Variants in BMP5 observed in about 807,000 individuals in gnomAD.
BMP5 encodes bone morphogenetic protein 5.
A neutral mutation model predicts 46.6 loss-of-function variants in BMP5; 23 were observed. The observed-to-expected ratio is 0.49, with a 90% CI of 0.35 to 0.70. The LOEUF (loss-of-function observed/expected upper bound fraction) is 0.70, where lower values mean the gene tolerates loss of function less well. BMP5 is among the 30% of genes least tolerant of loss of function. The probability of loss-of-function intolerance (pLI) is 0.00; values close to 1 mark genes in which losing one functional copy is unlikely to be tolerated. For missense variants in BMP5, 545 were observed against 565.6 expected, an observed-to-expected ratio of 0.96 and a Z score of 0.37; for synonymous variants, 204 against 191.9, an observed-to-expected ratio of 1.06 and a Z score of -0.52.
chr6:55,771,005 C>A (rs1217714938), intron 4 of BMP5, among the ~76,000 whole-genome samples: 1 of 151,588 alleles, frequency 6.6e-6, no homozygotes, highest in Non-Finnish European at 1.5e-5. Flanking sequence ...TGAAATATTG[C>A]AAAAATTACC....
chr6:55,809,927 A>G (rs1051739573), intron 2 of BMP5, among the ~76,000 whole-genome samples: 2 of 152,162 alleles, frequency 1.3e-5, no homozygotes, highest in African/African-American at 4.8e-5. Context: ...ACTTTCTTCC[A>G]TCTCCTTTTT....
intron 2 of BMP5, among the ~76,000 whole-genome samples, chr6:55,794,729 C>T (rs771798075): frequency 3.3e-5 from 5 of 152,146 alleles, no homozygotes; most frequent in East Asian, 1.9e-4. Context: ...TCAGTGTTCC[C>T]GGTAACCACC....
At chr6:55,810,316 G>T (rs890492088) in intron 2 of BMP5, among the ~76,000 whole-genome samples, 2 of 152,092 alleles carry the variant, frequency 1.3e-5, no homozygotes, top group Admixed American at 6.6e-5. Context: ...AATATTAGAT[G>T]CAATTGAATG....
At chr6:55,833,933 G>A (rs2127543073) in intron 1 of BMP5, among the ~76,000 whole-genome samples, 1 of 152,176 alleles carries the variant, frequency 6.6e-6, no homozygotes, top group East Asian at 1.9e-4. Flanking sequence ...TAACAGTTAT[G>A]AGATATTATG....
intron 1 of BMP5, among the ~76,000 whole-genome samples, chr6:55,852,529 A>G (rs1242735449): frequency 6.6e-6 from 1 of 151,988 alleles, no homozygotes; most frequent in Non-Finnish European, 1.5e-5. Context: ...TTCTACTGTC[A>G]TTGGTATGTA....
intron 1 of BMP5, among the ~76,000 whole-genome samples, chr6:55,843,290 T>C (rs1236177889): frequency 6.6e-6 from 1 of 152,110 alleles, no homozygotes; most frequent in Non-Finnish European, 1.5e-5. Context: ...CATACAGTTT[T>C]TTAAAGTTTC....
chr6:55,850,385 GATAGATAGATCGATAGAT>G (rs1562069940), intron 1 of BMP5, among the ~76,000 whole-genome samples: 4 of 149,400 alleles, frequency 2.7e-5, no homozygotes, highest in Non-Finnish European at 4.4e-5. Context: ...TAGATAGATA[GATAGATAGATCGATAGAT>G]ATAGATAGAT....
chr6:55,757,387 G>A (rs1774635358), intron 6 of BMP5, among the ~76,000 whole-genome samples: 1 of 151,976 alleles, frequency 6.6e-6, no homozygotes, highest in Non-Finnish European at 1.5e-5. Context: ...TGACCTTACA[G>A]AAAGACAGTG....
chr6:55,770,240 AT>A (rs1775017203), intron 4 of BMP5, among the ~76,000 whole-genome samples: 1 of 151,940 alleles, frequency 6.6e-6, no homozygotes, highest in Admixed American at 6.6e-5. Flanking sequence ...AGCTACCTTC[AT>A]CAGTGATCTT....
chr6:55,818,110 A>G (rs1162854672), intron 2 of BMP5, among the ~76,000 whole-genome samples: 1 of 152,184 alleles, frequency 6.6e-6, no homozygotes, highest in Non-Finnish European at 1.5e-5. Flanking sequence ...GGGAGGTGCC[A>G]TTAGGCTGGA....
At chr6:55,854,562 T>A (rs1777340087) in intron 1 of BMP5, among the ~76,000 whole-genome samples, 2 of 152,186 alleles carry the variant, frequency 1.3e-5, no homozygotes, top group South Asian at 4.1e-4. Context: ...TTTAGCCTTA[T>A]TTTACTAGAC....
At chr6:55,778,308 T>C (rs941543579) in intron 3 of BMP5, among the ~76,000 whole-genome samples, 13 of 151,852 alleles carry the variant, frequency 8.6e-5, no homozygotes, top group Admixed American at 4.6e-4. Context: ...AACACACAAA[T>C]GGGAGGGAAG....
chr6:55,769,751 T>G (rs1402367837), intron 4 of BMP5, among the ~76,000 whole-genome samples: 1 of 151,888 alleles, frequency 6.6e-6, no homozygotes, highest in Non-Finnish European at 1.5e-5. Context: ...AACTTGGAAG[T>G]CAAAACTACT....
At position 55,755,555 on chromosome 6, in the gene BMP5, A is replaced by C. The variant is rs200882186; in HGVS notation, c.1343T>G (p.Val448Gly). 6.2e-7 allele frequency: 1 copy of C among 1,610,738 alleles called. No individual in the cohort carries two copies. The highest frequency in any genetic ancestry group is 8.5e-7 in the Non-Finnish European group (1 of 1,177,598). ...VILKKYRNMV[V>G]RSCGCH ...ATATTAGTGGCAGCCACATGAGCGT[A>C]CTACCATATTTCTATATTTTTTCAA... Residue 448 changes from valine (V) to glycine (G), a missense_variant, in exon 7 of 7, where the codon GTA (valine) becomes GGA (glycine). By Grantham distance (109) the Val-to-Gly change is moderately radical (BLOSUM62 -3). Transcript: ENST00000370830.
intron 2 of BMP5, among the ~76,000 whole-genome samples, chr6:55,795,634 TA>T (rs1235444265): frequency 2.0e-5 from 3 of 152,118 alleles, no homozygotes; most frequent in African/African-American, 7.2e-5. Context: ...AAAACAAAGT[TA>T]AAAAATGTGT....
intron 1 of BMP5, among the ~76,000 whole-genome samples, chr6:55,865,176 C>T (rs1378356506): frequency 6.6e-6 from 1 of 151,964 alleles, no homozygotes; most frequent in Non-Finnish European, 1.5e-5. Flanking sequence ...AAATTAAAAC[C>T]CTCAAAGTGA....
chr6:55,828,732 G>T (rs1406753276), intron 1 of BMP5, among the ~76,000 whole-genome samples: 1 of 151,706 alleles, frequency 6.6e-6, no homozygotes, highest in South Asian at 2.1e-4. Flanking sequence ...TATTTTATTT[G>T]CTCAATATTT....
intron 3 of BMP5, among the ~76,000 whole-genome samples, chr6:55,790,678 C>A (rs1272075833): frequency 6.6e-6 from 1 of 152,136 alleles, no homozygotes; most frequent in East Asian, 1.9e-4. Flanking sequence ...CTTACTGTTT[C>A]TTCATCCAGG....
Position 55,874,838 on chromosome 6 carries a change from C to T in BMP5, c.28G>A (p.Gly10Ser), listed in dbSNP as rs752470107. Residue 10 changes from glycine (G) to serine (S), a missense_variant, in exon 1 of 7, where the codon GGT becomes AGT. Transcript: ENST00000370830. MHLTVFLLK[G>S]IVGFLWSCWV... ...CAGCTCCAGAGGAAACCCACAATAC[C>T]CTTAAGTAAAAATACAGTCAGATGC... The T allele has an allele frequency of 4.3e-6, 7 of 1,613,118 alleles. No homozygotes were observed. The South Asian group carries it at 7.7e-5, about 18-fold the overall frequency.
Sources: gnomAD v4.1 joint callset for allele counts (sites outside exome capture counted in the v4.1 genomes callset) on GRCh38, gnomAD v4.1.1 for gene constraint, MANE v1.5 for transcripts, NCBI Gene and HGNC (gene_info 2026-07-23, HGNC 2026-07-21) for gene names.